SLC25A26: variants seen among roughly 807,000 people sequenced by gnomAD.
SLC25A26 encodes the protein mitochondrial S-adenosylmethionine carrier protein.
In SLC25A26, 36 loss-of-function variants were observed where a neutral mutation model predicts 37.8. The observed-to-expected ratio is 0.95, with a 90% confidence interval of 0.73 to 1.26. The LOEUF is 1.26. Among genes scored for constraint, SLC25A26 ranks in the 50% most tolerant of loss-of-function variants. The pLI is 0.00. For synonymous variants in SLC25A26, 129 were observed against 122.5 expected (o/e 1.05, Z -0.35); for missense variants, 390 against 331.1 (o/e 1.18, Z -1.38).
chr3:66,345,700 T>C, intron 5 of SLC25A26, among the ~76,000 whole-genome samples: 1 of 152,116 alleles, frequency 6.6e-6, no homozygotes, highest in East Asian at 1.9e-4. Context: ...CTCTCTCCTC[T>C]GTGTTTCTCC....
At chr3:66,353,178 T>G (rs1487194291) in intron 6 of SLC25A26, among the ~76,000 whole-genome samples, 1 of 152,152 alleles carries the variant, frequency 6.6e-6, no homozygotes, top group Non-Finnish European at 1.5e-5. Context: ...CTGAGCACCT[T>G]TTACTGTGTG....
Position 66,300,264 on chromosome 3 carries a change from T to G in SLC25A26, c.453+36885T>G, listed in dbSNP as rs551399397. The stretch of plus-strand genomic sequence containing the variant: ...TAGGGTTTTTTTGTTTTGTTTTTTT[T>G]TTTTTTTTTGGTGTTATACTGGAAT... On this transcript the variant is annotated intron_variant, in intron 5 of 9. Transcript: ENST00000354883. Among the ~76,000 whole-genome samples, 208 of 150,454 alleles carry G rather than the reference T, an allele frequency of 1.4e-3. 2 individuals carry two copies. Among genetic ancestry groups the G allele is most frequent in the South Asian group, 0.012 (59 of 4,810 alleles).
chr3:66,225,017 T>C (rs2071675491), intron 1 of SLC25A26, among the ~76,000 whole-genome samples: 1 of 152,104 alleles, frequency 6.6e-6, no homozygotes, highest in South Asian at 2.1e-4. Flanking sequence ...CTCCTGGCTG[T>C]TTTCATGGGC....
At chr3:66,314,433 T>C (rs1303497313) in intron 5 of SLC25A26, among the ~76,000 whole-genome samples, 1 of 152,174 alleles carries the variant, frequency 6.6e-6, no homozygotes, top group Non-Finnish European at 1.5e-5. Flanking sequence ...GATTTGCGTA[T>C]GTTGAACCAG....
intron 5 of SLC25A26, among the ~76,000 whole-genome samples, chr3:66,275,911 A>G (rs2074127576): frequency 6.6e-6 from 1 of 152,076 alleles, no homozygotes; most frequent in Non-Finnish European, 1.5e-5. Context: ...GTGGGTCAAG[A>G]ATTACCCTTG....
In SLC25A26 at chr3:66,370,531, T is replaced by C. The variant is rs370784264; in HGVS notation, c.636T>C (p.Ala212=). The C allele has an allele frequency of 5.0e-6, 8 of 1,613,650 alleles. No homozygotes were observed. The African/African-American group carries it at 1.1e-4, about 22-fold the overall frequency. Residue 212 remains alanine (A), a splice_region_variant and synonymous_variant, in exon 9 of 10, where the codon GCT becomes GCC. Transcript: ENST00000354883. ...VAKTRITLAK[A]GSSTADGNVL... is the part of the protein sequence containing the mutation. Reference sequence around the variant, plus strand: ...TTTCTCTTTGTCTGTTCACACAGGCTGGCTCCAGCACTGCTGATGGGAATG... The same window carrying C: ...TTTCTCTTTGTCTGTTCACACAGGCCGGCTCCAGCACTGCTGATGGGAATG...
In SLC25A26 at chr3:66,377,111, A is replaced by C. The variant is rs563719035; in HGVS notation, c.708-579A>C. Among the ~76,000 whole-genome samples, 6 of 152,274 alleles carry C rather than the reference A, an allele frequency of 3.9e-5. No individual in the cohort carries two copies. The South Asian group carries it at 1.0e-3, about 26-fold the overall frequency. On this transcript the variant is annotated intron_variant, in intron 9 of 9. Transcript: ENST00000354883. The stretch of plus-strand genomic sequence containing the variant: ...CCAATTTGTATCCTCGTGGCATTGT[A>C]GTTTTACTTTGCATTGCTCTGATTA...
intron 5 of SLC25A26, among the ~76,000 whole-genome samples, chr3:66,268,570 C>G (rs903453786): frequency 6.6e-6 from 1 of 152,164 alleles, no homozygotes; most frequent in Admixed American, 6.5e-5. Flanking sequence ...ATGAGGGGAT[C>G]CAGGCGAAGT....
At position 66,236,615 on chromosome 3, in the gene SLC25A26, G is replaced by C. The variant is rs890343020; in HGVS notation, c.105G>C (p.Gln35His). 6.6e-7 allele frequency: 1 copy of C among 1,523,666 alleles called. No homozygotes were observed. Among genetic ancestry groups the C allele is most frequent in the South Asian group, 1.2e-5 (1 of 82,392 alleles). The allele number at this position is 1,523,666 out of a possible 1,614,324, so 94.4% of individuals were successfully genotyped here. ...TGGATACCATTAAAACCAGGCTGCA[G>C]AGTCCCCAAGGATTTAGTAAGGCTG... ...FPLDTIKTRL[Q>H]SPQGFSKAGG... Residue 35 changes from glutamine (Q) to histidine (H), a missense_variant, in exon 2 of 10, where the codon CAG (glutamine) becomes CAC (histidine). Gln to His is a conservative substitution (Grantham distance 24). Coordinates refer to ENST00000354883, the MANE Select transcript of SLC25A26 (RefSeq NM_001379210.1).
chr3:66,289,205 T>C (rs2074619513), intron 5 of SLC25A26, among the ~76,000 whole-genome samples: 2 of 152,202 alleles, frequency 1.3e-5, no homozygotes, highest in Non-Finnish European at 2.9e-5. Context: ...TTAAGTTCCT[T>C]GTAGATTCTG....
chr3:66,256,240 G>A lies in SLC25A26; in HGVS notation c.301-5811G>A, dbSNP rs575327250. 5.9e-5 allele frequency among the ~76,000 whole-genome samples: 9 copies of A among 152,046 alleles called. No homozygotes were observed. The East Asian group carries it at 7.7e-4, about 13-fold the overall frequency. On this transcript the variant is annotated intron_variant, in intron 3 of 9. Transcript: ENST00000354883. ...GTCCTGTTAGGTTCATGTAGGTTTC[G>A]TTGGACTTATACCCAATTTTAGGCC... is the stretch of plus-strand genomic sequence containing the variant.
At chr3:66,174,334 G>C (rs146299745) in intron 1 of SLC25A26, among the ~76,000 whole-genome samples, 41,114 of 152,104 alleles carry the variant, frequency 0.27, 5,984 homozygotes, top group African/African-American at 0.37. Context: ...GCATTTATAT[G>C]CACATTTCCA....
Position 66,134,230 on chromosome 3 carries a change from G to A in SLC25A26, c.-354+246G>A, listed in dbSNP as rs144925965. Among the ~76,000 whole-genome samples, 483 of 152,244 alleles carry A rather than the reference G, an allele frequency of 3.2e-3. 4 individuals are homozygous for A. The highest frequency in any genetic ancestry group is 4.7e-3 in the Admixed American group (72 of 15,294). ...ACCTTTGACACTTTATTACATGGCC[G>A]CAGTAAATAATAACTGCCCTTATTT... is the stretch of plus-strand genomic sequence containing the variant. On this transcript the variant is annotated intron_variant, in intron 1 of 10. Coordinates refer to the SLC25A26 transcript ENST00000676754.
intron 1 of SLC25A26, among the ~76,000 whole-genome samples, chr3:66,167,266 G>A (rs745553691): frequency 2.0e-5 from 3 of 148,774 alleles, no homozygotes; most frequent in East Asian, 3.9e-4. Flanking sequence ...ACGATCTGAC[G>A]TCCACTTCAT....
chr3:66,222,182 A>ATTTT (rs373274771), intron 1 of SLC25A26, among the ~76,000 whole-genome samples: 2 of 139,814 alleles, frequency 1.4e-5, no homozygotes, highest in African/African-American at 5.3e-5. Context: ...AATGTTACTG[A>ATTTT]TTTTTTTTTT....
intron 1 of SLC25A26, among the ~76,000 whole-genome samples, chr3:66,142,468 T>G (rs1173640674): frequency 6.6e-6 from 1 of 152,170 alleles, no homozygotes; most frequent in Non-Finnish European, 1.5e-5. Context: ...TATCTTCTCC[T>G]GAAGTAGGGC....
At chr3:66,331,997 T>A (rs1197663916) in intron 5 of SLC25A26, among the ~76,000 whole-genome samples, 1 of 139,404 alleles carries the variant, frequency 7.2e-6, no homozygotes, top group Non-Finnish European at 1.5e-5. Context: ...AATGGCACGA[T>A]CTTGGCTCGC....
intron 1 of SLC25A26, among the ~76,000 whole-genome samples, chr3:66,188,700 C>T (rs2070877997): frequency 6.6e-6 from 1 of 152,092 alleles, no homozygotes; most frequent in Non-Finnish European, 1.5e-5. Flanking sequence ...TTACCCAGCC[C>T]TCAGGTTTTC....
intron 5 of SLC25A26, among the ~76,000 whole-genome samples, chr3:66,290,169 C>G (rs1315350826): frequency 6.6e-6 from 1 of 152,062 alleles, no homozygotes; most frequent in Admixed American, 6.6e-5. Context: ...GGTTTTGTAT[C>G]CTGAGATTTT....
Sources: gnomAD v4.1 joint callset for allele counts (sites outside exome capture counted in the v4.1 genomes callset) on GRCh38, gnomAD v4.1.1 for gene constraint, MANE v1.5 for transcripts, NCBI Gene and HGNC (gene_info 2026-07-23, HGNC 2026-07-21) for gene names.